Variants in UTP6 observed in about 807,000 individuals in gnomAD.
UTP6 encodes U3 small nucleolar RNA-associated protein 6 homolog.
In UTP6, 60 loss-of-function variants were observed where a neutral mutation model predicts 96.5. The observed-to-expected ratio is 0.62, with a 90% CI of 0.51 to 0.77. The LOEUF is 0.77. UTP6 is among the 30% of genes least tolerant of loss of function. UTP6 has a pLI of 0.00. For missense variants in UTP6, 637 were observed against 706.5 expected (o/e 0.90, Z 1.12); for synonymous variants, 215 against 240.1 (o/e 0.90, Z 0.96).
chr17:31,870,491 GTTT>G (rs1386599921), intron 16 of UTP6, among the ~76,000 whole-genome samples: 26 of 145,592 alleles, frequency 1.8e-4, no homozygotes, highest in East Asian at 1.0e-3. Flanking sequence ...TGGGTTTTTT[GTTT>G]TTGTTGTTGT....
chr17:31,874,869 T>C (rs1910401099), intron 14 of UTP6, among the ~76,000 whole-genome samples: 1 of 149,568 alleles, frequency 6.7e-6, no homozygotes, highest in African/African-American at 2.5e-5. Context: ...GAGGCAGAGA[T>C]TGCAGTGAGC....
chr17:31,893,240 T>C (rs114349101), intron 4 of UTP6, among the ~76,000 whole-genome samples: 15,108 of 150,498 alleles, frequency 0.1, 1,399 homozygotes, highest in African/African-American at 0.25. Flanking sequence ...CTGGGCAACA[T>C]AGGGAAGCTC....
In UTP6 at chr17:31,885,239, G is replaced by C. The variant is rs1487076672; in HGVS notation, c.704-734C>G. Among the ~76,000 whole-genome samples the C allele has an allele frequency of 2.0e-5, 3 of 151,848 alleles. No homozygotes were observed. The East Asian group carries it at 5.9e-4, about 30-fold the overall frequency. The stretch of plus-strand genomic sequence containing the variant: ...AGCTCACTGCAACCTCCACCTCCCG[G>C]GTTCAAGCAATTCTCCTGCCTCGGC... On this transcript the variant is annotated intron_variant, in intron 9 of 18. Coordinates refer to ENST00000261708, the MANE Select transcript of UTP6 (RefSeq NM_018428.3).
At chr17:31,878,461 C>T (rs767022331) in intron 12 of UTP6, 134 bp from the exon 13 acceptor site, 2 of 907,898 alleles carry the variant, frequency 2.2e-6, no homozygotes, top group Non-Finnish European at 3.4e-6. Flanking sequence ...GGTGGTTTCA[C>T]TTATGAATAG....
chr17:31,889,364 C>T lies in UTP6; in HGVS notation c.464G>A (p.Arg155Gln), dbSNP rs922137873. The change falls in exon 7 of 19, where the codon CGA becomes CAA. Residue 155 changes from arginine (R) to glutamine (Q), a missense_variant. Physicochemically the swap from Arg to Gln is conservative, Grantham distance 43. Coordinates refer to ENST00000261708, the MANE Select transcript of UTP6 (RefSeq NM_018428.3). ...IMAAKWEMEDRLSSESARQLF... is the reference protein window; with the variant it reads ...IMAAKWEMEDQLSSESARQLF... ...TTGCCTTGCGCTTTCTGAAGACAAT[C>T]GATCTTCCATTTCCCATTTGGCTGC... 7 of 1,613,738 alleles carry T rather than the reference C, an allele frequency of 4.3e-6. No homozygotes were observed. The highest frequency in any genetic ancestry group is 5.1e-6 in the Non-Finnish European group (6 of 1,179,850).
rs138066981 is a variant in UTP6 at position 31,865,376 on chromosome 17, G to T, written c.1626C>A (p.Ser542=). 4 of 1,613,828 alleles carry T rather than the reference G, an allele frequency of 2.5e-6. No homozygotes were observed. The African/African-American group carries it at 4.0e-5, about 16-fold the overall frequency. The change falls in exon 18 of 19, where the codon TCC becomes TCA. Residue 542 remains serine, a synonymous_variant. Transcript: ENST00000261708. ...YYERALREFG[S]ADSDLWMDYM... is the part of the protein sequence containing the mutation. Reference sequence around the variant, plus strand: ...TAAGGGTTTACTTACCAGAATCTGCGGATCCAAACTCTCTCAAAGCTCTCT... The same window carrying T: ...TAAGGGTTTACTTACCAGAATCTGCTGATCCAAACTCTCTCAAAGCTCTCT...
At chr17:31,887,049 G>A (rs769187735) in intron 8 of UTP6, among the ~76,000 whole-genome samples, 187 bp downstream of exon 8, 9 of 151,510 alleles carry the variant, frequency 5.9e-5, no homozygotes, top group Non-Finnish European at 1.2e-4. Context: ...GCTTGAACCC[G>A]GAGGCAGAGG....
At chr17:31,872,857 C>T (rs145055302) in intron 16 of UTP6, among the ~76,000 whole-genome samples, 59 of 144,660 alleles carry the variant, frequency 4.1e-4, no homozygotes, top group East Asian at 2.0e-3. Flanking sequence ...ATTAGCCGGG[C>T]GTGGTGTCAC....
chr17:31,866,266 G>A lies in UTP6; in HGVS notation c.1564-828C>T, dbSNP rs9652884. On this transcript the variant is annotated intron_variant, in intron 17 of 18. Coordinates refer to ENST00000261708, the MANE Select transcript of UTP6 (RefSeq NM_018428.3). ...CGCGCCACTACACTCCAGCCTGGGC[G>A]ACAGAGCGAGACTCTGTCTCAAAAA... 3.7e-3 allele frequency among the ~76,000 whole-genome samples: 511 copies of A among 137,550 alleles called. 5 individuals are homozygous for A. Among genetic ancestry groups the A allele is most frequent in the African/African-American group, 0.013 (483 of 36,544 alleles). 90.2% of individuals were successfully genotyped at this position (137,550 alleles called of 152,430 possible).
At position 31,865,391 on chromosome 17, in the gene UTP6, C is replaced by T; in HGVS notation, c.1611G>A (p.Leu537=). 6.2e-7 allele frequency: 1 copy of T among 1,614,070 alleles called. No individual in the cohort carries two copies. The highest frequency in any genetic ancestry group is 8.5e-7 in the Non-Finnish European group (1 of 1,179,974). Residue 537 remains leucine (L), a synonymous_variant, in exon 18 of 19, where the codon TTG becomes TTA. Coordinates refer to ENST00000261708, the MANE Select transcript of UTP6 (RefSeq NM_018428.3). The part of the protein sequence containing the change: ...ANIREYYERA[L]REFGSADSDL... ...CAGAATCTGCGGATCCAAACTCTCT[C>T]AAAGCTCTCTCATAATATTCTCTTA...
At chr17:31,897,062 G>A (rs1160097279) in intron 2 of UTP6, among the ~76,000 whole-genome samples, 1 of 151,584 alleles carries the variant, frequency 6.6e-6, no homozygotes, top group Non-Finnish European at 1.5e-5. Flanking sequence ...CAAGGCAGGA[G>A]GATCACTTGA....
chr17:31,872,919 C>CAAAAAAACAAA (rs565200979), intron 16 of UTP6, among the ~76,000 whole-genome samples: 1 of 140,114 alleles, frequency 7.1e-6, no homozygotes, highest in Non-Finnish European at 1.5e-5. Context: ...ATCACTGTCT[C>CAAAAAAACAAA]AAAAAAACAA....
rs1567773288 is a variant in UTP6 at position 31,863,531 on chromosome 17, A to C, written c.1637-15T>G. On this transcript the variant is annotated splice_polypyrimidine_tract_variant and intron_variant, in intron 18 of 18. Transcript: ENST00000261708. Reference sequence around the variant, plus strand: ...CATCCAAAGATCTTTTAAAAAAAAAACATACAATTAGATAACTGACAGAGT... The same window carrying C: ...CATCCAAAGATCTTTTAAAAAAAAACCATACAATTAGATAACTGACAGAGT... 1.9e-5 allele frequency: 30 copies of C among 1,587,178 alleles called. No homozygotes were observed. The highest frequency in any genetic ancestry group is 2.3e-5 in the Non-Finnish European group (27 of 1,167,552).
At position 31,863,467 on chromosome 17, in the gene UTP6, T is replaced by G; in HGVS notation, c.1686A>C (p.Arg562Ser). The change falls in exon 19 of 19, where the codon AGA becomes AGC. Residue 562 changes from arginine (R) to serine (S), a missense_variant. Coordinates refer to ENST00000261708, the MANE Select transcript of UTP6 (RefSeq NM_018428.3). ...MKEELNHPLG[R>S]PENCGQIYWR... ...AGTAGATCTGTCCACAGTTCTCAGG[T>G]CTACCAAGGGGGTGGTTCAATTCTT... is the stretch of plus-strand genomic sequence containing the variant. 6.2e-7 allele frequency: 1 copy of G among 1,613,924 alleles called. No individual in the cohort carries two copies. The highest frequency in any genetic ancestry group is 8.5e-7 in the Non-Finnish European group (1 of 1,179,966).
Position 31,885,962 on chromosome 17 carries a change from T to A in UTP6, c.703+18A>T. ...TGTTTCACTTTCCTACCAAAAATAATGTTCAAAAGATACCTACCTTTAATT... is the reference window on the plus strand; with the variant it reads ...TGTTTCACTTTCCTACCAAAAATAAAGTTCAAAAGATACCTACCTTTAATT... On this transcript the variant is annotated intron_variant, in intron 9 of 18. Transcript: ENST00000261708. 6.3e-7 allele frequency: 1 copy of A among 1,594,646 alleles called. No homozygotes were observed. Among genetic ancestry groups the A allele is most frequent in the Non-Finnish European group, 8.5e-7 (1 of 1,171,776 alleles).
chr17:31,864,982 T>C (rs1348377290), intron 18 of UTP6, among the ~76,000 whole-genome samples: 1 of 152,014 alleles, frequency 6.6e-6, no homozygotes, highest in African/African-American at 2.4e-5. Flanking sequence ...AAGAGGGTTA[T>C]GATGCAAATC....
intron 16 of UTP6, among the ~76,000 whole-genome samples, chr17:31,870,918 T>C (rs956071518): frequency 6.6e-6 from 1 of 151,746 alleles, no homozygotes; most frequent in East Asian, 1.9e-4. Flanking sequence ...TGGACTCAAG[T>C]GATCCTCTGA....
chr17:31,885,686 G>A (rs1162255329), intron 9 of UTP6, among the ~76,000 whole-genome samples: 2 of 151,918 alleles, frequency 1.3e-5, no homozygotes, highest in African/African-American at 4.8e-5. Flanking sequence ...TACTTGGGAG[G>A]CTGAGGCAGG....
intron 11 of UTP6, among the ~76,000 whole-genome samples, chr17:31,879,205 C>T (rs1348302787): frequency 2.0e-5 from 3 of 152,018 alleles, no homozygotes; most frequent in African/African-American, 7.2e-5. Context: ...GCCTGGCCAA[C>T]GTGGTGAAAC....
Sources: allele counts gnomAD v4.1 joint callset (sites outside exome capture counted in the v4.1 genomes callset), GRCh38; gene constraint gnomAD v4.1.1; transcripts MANE v1.5; gene names NCBI Gene and HGNC (gene_info 2026-07-23, HGNC 2026-07-21).